MACC1: variants seen among roughly 807,000 people sequenced by gnomAD.
MACC1 encodes the protein metastasis-associated in colon cancer protein 1.
MACC1 carries 79 observed loss-of-function variants against 70.7 expected under a neutral mutation model. The observed-to-expected ratio is 1.12, with a 90% confidence interval of 0.93 to 1.35. The LOEUF (loss-of-function observed/expected upper bound fraction) is 1.35, where lower values mean the gene tolerates loss of function less well. MACC1 is among the 40% of genes most tolerant of loss of function. MACC1 has a pLI of 0.00. For missense variants in MACC1, 1,106 were observed against 978.1 expected, an observed-to-expected ratio of 1.13 and a Z score of -1.74; for synonymous variants, 361 against 347.2, an observed-to-expected ratio of 1.04 and a Z score of -0.44.
At position 20,158,186 on chromosome 7, in the gene MACC1, T is replaced by C; in HGVS notation, c.2157+18A>G. 1 of 1,535,178 alleles carries C rather than the reference T, an allele frequency of 6.5e-7. No homozygotes were observed. The highest frequency in any genetic ancestry group is 8.7e-7 in the Non-Finnish European group (1 of 1,149,496). On this transcript the variant is annotated intron_variant, in intron 5 of 6. Transcript: ENST00000400331. ...AATTCTCGATGGCAATTCATTACCATGATCAAGCAATACTCACCACAATAA... is the reference window on the plus strand; with the variant it reads ...AATTCTCGATGGCAATTCATTACCACGATCAAGCAATACTCACCACAATAA...
rs754842706 is a variant in MACC1 at position 20,159,860 on chromosome 7, G to A, written c.501C>T (p.Asp167=). 1 of 1,614,162 alleles carries A rather than the reference G, an allele frequency of 6.2e-7. No homozygotes were observed. The highest frequency in any genetic ancestry group is 1.1e-5 in the South Asian group (1 of 91,082). ...IHNSDQILLH[D]LEWLKNDREA... ...CCCGATCATTTTTAAGCCACTCTAA[G>A]TCGTGTAGTAGGATCTGGTCAGAGT... Residue 167 remains aspartate, a synonymous_variant, in exon 5 of 7, where the codon GAC becomes GAT. Transcript: ENST00000400331.
chr7:20,205,348 A>T (rs974988982), intron 1 of MACC1, among the ~76,000 whole-genome samples: 1 of 152,238 alleles, frequency 6.6e-6, no homozygotes, highest in Non-Finnish European at 1.5e-5. Flanking sequence ...ATTACAGCAG[A>T]TATTCTTAAA....
intron 6 of MACC1, among the ~76,000 whole-genome samples, chr7:20,148,419 TG>T (rs977774687): frequency 3.9e-5 from 6 of 152,196 alleles, no homozygotes; most frequent in Non-Finnish European, 5.9e-5. Flanking sequence ...ATGCTGATTT[TG>T]GTCTTACACA....
intron 1 of MACC1, among the ~76,000 whole-genome samples, chr7:20,203,441 A>G (rs1782861497): frequency 6.6e-6 from 1 of 152,212 alleles, no homozygotes; most frequent in Non-Finnish European, 1.5e-5. Context: ...GCGTGCATAC[A>G]TGCACTTTGG....
At chr7:20,171,475 C>T (rs1286618892) in intron 1 of MACC1, among the ~76,000 whole-genome samples, 2 of 151,696 alleles carry the variant, frequency 1.3e-5, no homozygotes, top group Non-Finnish European at 2.9e-5. Context: ...AGGATGGTCT[C>T]GATCTCCTGA....
intron 6 of MACC1, among the ~76,000 whole-genome samples, chr7:20,146,352 TTAAACAG>T (rs1422184309): frequency 1.3e-5 from 2 of 152,178 alleles, no homozygotes; most frequent in African/African-American, 4.8e-5. Context: ...TCTGGTTTTC[TTAAACAG>T]TAAATACATT....
chr7:20,157,082 G>A (rs527856642), intron 5 of MACC1, among the ~76,000 whole-genome samples: 2 of 152,298 alleles, frequency 1.3e-5, no homozygotes, highest in East Asian at 3.9e-4. Context: ...ATAGGCAACT[G>A]TAGGACGTGG....
chr7:20,209,212 G>C (rs1782958912), intron 1 of MACC1, among the ~76,000 whole-genome samples: 1 of 152,236 alleles, frequency 6.6e-6, no homozygotes. Context: ...GGAGCTGTGA[G>C]AAGAGGGCTA....
intron 1 of MACC1, among the ~76,000 whole-genome samples, chr7:20,196,448 G>A (rs1044769064): frequency 6.6e-5 from 10 of 152,114 alleles, no homozygotes; most frequent in African/African-American, 2.4e-4. Flanking sequence ...CCAAACTGCT[G>A]GGATTACAGG....
intron 1 of MACC1, among the ~76,000 whole-genome samples, chr7:20,179,198 T>C (rs1334773802): frequency 6.6e-6 from 1 of 151,996 alleles, no homozygotes; most frequent in African/African-American, 2.4e-5. Context: ...ATCAGTGCTT[T>C]TTCTTTTCCA....
Position 20,159,307 on chromosome 7 carries a change from C to T in MACC1, c.1054G>A (p.Ala352Thr), listed in dbSNP as rs1334805989. ...GCAGCTGGTGACGGAAGAGCTTTAG[C>T]TTGTGCAGCAACCACTAGATACATT... ...QVMYLVVAAQ[A>T]KALPSPAATI... The change falls in exon 5 of 7, where the codon GCT (alanine) becomes ACT (threonine). Residue 352 changes from alanine to threonine, a missense_variant. Physicochemically the swap from Ala to Thr is moderately conservative, Grantham distance 58. Transcript: ENST00000400331. 6.2e-7 allele frequency: 1 copy of T among 1,613,918 alleles called. No individual in the cohort carries two copies. The highest frequency in any genetic ancestry group is 2.2e-5 in the East Asian group (1 of 44,874).
intron 1 of MACC1, among the ~76,000 whole-genome samples, chr7:20,196,636 T>C (rs1323810724): frequency 6.6e-6 from 1 of 152,042 alleles, no homozygotes; most frequent in African/African-American, 2.4e-5. Context: ...CATGCATGTG[T>C]GTATGTGCTC....
At position 20,163,863 on chromosome 7, in the gene MACC1, CA is replaced by C. The variant is rs1782172893; in HGVS notation, c.-9+392del. ...GATGCCACATACCCTATGTCAGACT[CA>C]AGATTCCCAATGTACCTTCTGAGAC... is the stretch of plus-strand genomic sequence containing the variant. On this transcript the variant is annotated intron_variant, in intron 3 of 6. Coordinates refer to ENST00000400331, the MANE Select transcript of MACC1 (RefSeq NM_182762.4). Among the ~76,000 whole-genome samples, 3 of 152,232 alleles carry C rather than the reference CA, an allele frequency of 2.0e-5. No individual in the cohort carries two copies. The South Asian group carries it at 6.2e-4, about 31-fold the overall frequency.
chr7:20,215,219 A>G (rs1783051632), intron 1 of MACC1, among the ~76,000 whole-genome samples: 2 of 152,254 alleles, frequency 1.3e-5, no homozygotes, highest in Middle Eastern at 3.4e-3. Context: ...TATGAACAGC[A>G]TGAATGACTA....
At chr7:20,174,168 A>G (rs975450388) in intron 1 of MACC1, among the ~76,000 whole-genome samples, 12 of 152,180 alleles carry the variant, frequency 7.9e-5, no homozygotes, top group Admixed American at 2.0e-4. Context: ...ATATTGGTGT[A>G]ATTATTAAAA....
intron 1 of MACC1, among the ~76,000 whole-genome samples, chr7:20,182,250 G>A (rs952880434): frequency 1.3e-5 from 2 of 151,498 alleles, no homozygotes; most frequent in Non-Finnish European, 2.9e-5. Flanking sequence ...TAAATGACGA[G>A]TTAATGGGTG....
chr7:20,215,396 T>G (rs1269571975), intron 1 of MACC1, among the ~76,000 whole-genome samples: 2 of 152,144 alleles, frequency 1.3e-5, no homozygotes, highest in Non-Finnish European at 2.9e-5. Flanking sequence ...TGAATGACAC[T>G]TCCTAGAGAC....
intron 1 of MACC1, among the ~76,000 whole-genome samples, chr7:20,190,308 A>G (rs940757031): frequency 2.0e-5 from 3 of 152,226 alleles, no homozygotes; most frequent in African/African-American, 7.2e-5. Context: ...TCATGGCAAA[A>G]TAAATGTTTA....
chr7:20,198,646 C>T (rs539462247), intron 1 of MACC1: 5 of 152,322 alleles, frequency 3.3e-5, no homozygotes, highest in African/African-American at 1.2e-4. Context: ...ATCTCAGCCT[C>T]GCCTATAATT....
Sources: gnomAD v4.1 joint callset for allele counts (sites outside exome capture counted in the v4.1 genomes callset) on GRCh38, gnomAD v4.1.1 for gene constraint, MANE v1.5 for transcripts, NCBI Gene and HGNC (gene_info 2026-07-23, HGNC 2026-07-21) for gene names.